The following GABRB1 variants were observed in gnomAD, a reference collection of about 807,000 sequenced individuals.
GABRB1 encodes gamma-aminobutyric acid receptor subunit beta-1.
In GABRB1, 17 loss-of-function variants were observed where a neutral mutation model predicts 51.6. The ratio of observed to expected loss-of-function variants is 0.33; its 90% CI spans 0.23 to 0.49. The LOEUF (loss-of-function observed/expected upper bound fraction) is 0.49. GABRB1 is among the 20% of genes least tolerant of loss of function. GABRB1 has a pLI of 0.99. For missense variants in GABRB1, 410 were observed against 600.6 expected, an observed-to-expected ratio of 0.68 and a Z score of 3.32; for synonymous variants, 247 against 218.9, an observed-to-expected ratio of 1.13 and a Z score of -1.14.
intron 4 of GABRB1, among the ~76,000 whole-genome samples, chr4:47,205,658 G>A (rs78686495): frequency 2.9e-4 from 44 of 152,176 alleles, no homozygotes; most frequent in African/African-American, 1.0e-3. Flanking sequence ...GCTATAATCT[G>A]TTACAAAGGG....
intron 4 of GABRB1, among the ~76,000 whole-genome samples, chr4:47,246,355 T>A (rs1187236754): frequency 8.9e-5 from 2 of 22,354 alleles, no homozygotes; most frequent in African/African-American, 3.3e-4. Context: ...TATATATATA[T>A]ATATATATAT....
At chr4:47,026,744 T>C (rs1725108599), upstream of GABRB1, among the ~76,000 whole-genome samples, 1 of 152,010 alleles carries the variant, frequency 6.6e-6, no homozygotes, top group Non-Finnish European at 1.5e-5. Context: ...AAAATATAAA[T>C]CACTAATAAC....
intron 1 of GABRB1, among the ~76,000 whole-genome samples, chr4:47,016,805 G>C (rs992915959): frequency 1.3e-5 from 2 of 152,138 alleles, no homozygotes; most frequent in Non-Finnish European, 1.5e-5. Context: ...GGCCAGGCTG[G>C]TCTCCAACTC....
chr4:47,364,927 A>G lies in GABRB1; in HGVS notation c.545-38391A>G, dbSNP rs570769298. Among the ~76,000 whole-genome samples, 4 of 152,344 alleles carry G rather than the reference A, an allele frequency of 2.6e-5. No homozygotes were observed. The East Asian group carries it at 7.7e-4, about 29-fold the overall frequency. ...CCTAAAGAATGAAGCAGAACAAACTAAAATAGAAATAAGGAAAAAATTAAA... is the reference window on the plus strand; with the variant it reads ...CCTAAAGAATGAAGCAGAACAAACTGAAATAGAAATAAGGAAAAAATTAAA... On this transcript the variant is annotated intron_variant, in intron 5 of 8. Transcript: ENST00000295454.
chr4:47,037,124 G>C (rs1725611730), intron 3 of GABRB1, among the ~76,000 whole-genome samples: 1 of 152,104 alleles, frequency 6.6e-6, no homozygotes, highest in Non-Finnish European at 1.5e-5. Flanking sequence ...CTCAAATGAT[G>C]GCAATGAAAA....
At chr4:47,165,095 T>C (rs1409750588) in intron 4 of GABRB1, among the ~76,000 whole-genome samples, 4 of 152,122 alleles carry the variant, frequency 2.6e-5, no homozygotes, top group Non-Finnish European at 5.9e-5. Flanking sequence ...CTTGGTCTTT[T>C]CAGAACACAT....
At chr4:47,249,116 C>A (rs1355307926) in intron 4 of GABRB1, among the ~76,000 whole-genome samples, 2 of 151,992 alleles carry the variant, frequency 1.3e-5, no homozygotes, top group African/African-American at 4.8e-5. Flanking sequence ...TCCATTTGTA[C>A]TCTTTCAGTC....
At chr4:47,414,125 G>A (rs1265227326) in intron 8 of GABRB1, among the ~76,000 whole-genome samples, 3 of 152,182 alleles carry the variant, frequency 2.0e-5, no homozygotes, top group Admixed American at 1.3e-4. Context: ...CAGTCATTCC[G>A]TGTCACAGGG....
chr4:47,087,516 G>A (rs1313126736), intron 3 of GABRB1, among the ~76,000 whole-genome samples: 1 of 151,732 alleles, frequency 6.6e-6, no homozygotes, highest in Non-Finnish European at 1.5e-5. Context: ...TAACTCTGAG[G>A]CGCTGCATCC....
intron 4 of GABRB1, among the ~76,000 whole-genome samples, chr4:47,243,100 A>G (rs982856032): frequency 5.3e-5 from 8 of 152,206 alleles, no homozygotes; most frequent in African/African-American, 1.2e-4. Context: ...AGCTTTCTAC[A>G]TATGGCTAGC....
chr4:47,338,164 C>T (rs760989997), intron 5 of GABRB1, among the ~76,000 whole-genome samples: 79 of 152,294 alleles, frequency 5.2e-4, no homozygotes, highest in Non-Finnish European at 9.1e-4. Context: ...CTATACATCA[C>T]CAATCAAATC....
chr4:47,358,283 G>A (rs1013319951), intron 5 of GABRB1, among the ~76,000 whole-genome samples: 15 of 151,920 alleles, frequency 9.9e-5, no homozygotes, highest in African/African-American at 3.6e-4. Context: ...CCAGTAGGAT[G>A]TATGTGTGTA....
intron 3 of GABRB1, among the ~76,000 whole-genome samples, chr4:47,059,126 C>T (rs1726741985): frequency 6.6e-6 from 1 of 152,122 alleles, no homozygotes; most frequent in African/African-American, 2.4e-5. Context: ...AGGAGGAGTG[C>T]TATGAGCTAA....
intron 5 of GABRB1, among the ~76,000 whole-genome samples, chr4:47,393,479 A>G (rs1728077476): frequency 6.6e-6 from 1 of 152,028 alleles, no homozygotes; most frequent in African/African-American, 2.4e-5. Context: ...CTCTCCCTAC[A>G]CTCAATCCTG....
chr4:47,186,083 T>G (rs952395735), intron 4 of GABRB1, among the ~76,000 whole-genome samples: 1 of 151,814 alleles, frequency 6.6e-6, no homozygotes, highest in Admixed American at 6.6e-5. Flanking sequence ...ATTGAACGTC[T>G]TCTCAAATAC....
chr4:47,401,207 C>T (rs1441972114), intron 5 of GABRB1, among the ~76,000 whole-genome samples: 2 of 151,970 alleles, frequency 1.3e-5, no homozygotes, highest in African/African-American at 4.8e-5. Flanking sequence ...GAGTAGATAC[C>T]CAGTAGTGGG....
intron 4 of GABRB1, among the ~76,000 whole-genome samples, chr4:47,209,996 T>C (rs766642946): frequency 6.6e-6 from 1 of 152,122 alleles, no homozygotes; most frequent in Non-Finnish European, 1.5e-5. Flanking sequence ...AAAATAAGCA[T>C]AATTTCCTGC....
At chr4:47,421,032 A>G (rs549572377) in intron 8 of GABRB1, among the ~76,000 whole-genome samples, 1 of 152,228 alleles carries the variant, frequency 6.6e-6, no homozygotes, top group Admixed American at 6.5e-5. Flanking sequence ...AAGAAAGAAA[A>G]TGGAAGTGGG....
At chr4:47,346,356 G>A (rs1472729006) in intron 5 of GABRB1, among the ~76,000 whole-genome samples, 1 of 152,182 alleles carries the variant, frequency 6.6e-6, no homozygotes, top group Non-Finnish European at 1.5e-5. Context: ...AGCATGGAAG[G>A]TGAACATATG....
Sources: allele counts gnomAD v4.1 joint callset (sites outside exome capture counted in the v4.1 genomes callset), GRCh38; gene constraint gnomAD v4.1.1; transcripts MANE v1.5; gene names NCBI Gene and HGNC (gene_info 2026-07-23, HGNC 2026-07-21).